The following SHISA9 variants were observed in gnomAD, a reference collection of about 807,000 sequenced individuals.
The protein encoded by SHISA9 is shisa family member 9, also known as protein shisa-9.
SHISA9 carries 13 observed loss-of-function variants against 38.0 expected under a neutral mutation model. The observed-to-expected ratio is 0.34, with a 90% CI of 0.22 to 0.54. The LOEUF is 0.54. Ranked by LOEUF, SHISA9 falls within the 20% of genes least tolerant of loss-of-function variation. The pLI is 0.91. For synonymous variants in SHISA9, 275 were observed against 242.0 expected, an observed-to-expected ratio of 1.14 and a Z score of -1.27; for missense variants, 538 against 575.8, an observed-to-expected ratio of 0.93 and a Z score of 0.67.
At chr16:13,241,239 G>C (rs1161770225), downstream of SHISA9, among the ~76,000 whole-genome samples, 1 of 152,186 alleles carries the variant, frequency 6.6e-6, no homozygotes, top group Non-Finnish European at 1.5e-5. Flanking sequence ...AGGCAGCCGG[G>C]CACGGTGGCT....
chr16:13,371,875 A>C, the SHISA9 span, among the ~76,000 whole-genome samples: 1 of 152,212 alleles, frequency 6.6e-6, no homozygotes, highest in Non-Finnish European at 1.5e-5. Context: ...ATCCCCTTTC[A>C]GATAATCAAG....
At chr16:13,521,384 T>C in the SHISA9 span, among the ~76,000 whole-genome samples, 24 of 152,246 alleles carry the variant, frequency 1.6e-4, no homozygotes, top group Non-Finnish European at 2.8e-4. Context: ...CCCTATACTT[T>C]ATACAGTACA....
the SHISA9 span, among the ~76,000 whole-genome samples, chr16:13,522,792 A>T: frequency 9.9e-5 from 15 of 152,184 alleles, no homozygotes; most frequent in African/African-American, 3.6e-4. Flanking sequence ...TAGGGCAGCT[A>T]GTTTACAGCC....
chr16:13,521,360 AT>A, the SHISA9 span, among the ~76,000 whole-genome samples: 6 of 152,080 alleles, frequency 3.9e-5, no homozygotes, highest in Non-Finnish European at 8.8e-5. Context: ...TAGTCATTCT[AT>A]TTTTTCCAAA....
chr16:13,371,229 T>C, the SHISA9 span, among the ~76,000 whole-genome samples: 34 of 152,332 alleles, frequency 2.2e-4, no homozygotes, highest in Middle Eastern at 3.4e-3. Context: ...ACCACCATGA[T>C]ACACTGCCTG....
At chr16:13,064,258 C>T (rs578107955) in intron 2 of SHISA9, among the ~76,000 whole-genome samples, 1 of 152,110 alleles carries the variant, frequency 6.6e-6, no homozygotes, top group Non-Finnish European at 1.5e-5. Context: ...TCAACAAATA[C>T]TTATTGAGCA....
At chr16:13,500,591 A>G in the SHISA9 span, among the ~76,000 whole-genome samples, 1 of 149,062 alleles carries the variant, frequency 6.7e-6, no homozygotes, top group Admixed American at 6.7e-5. Context: ...AGAAGGAAAA[A>G]GACAGAGTGG....
At chr16:13,474,929 T>C in the SHISA9 span, among the ~76,000 whole-genome samples, 2 of 151,854 alleles carry the variant, frequency 1.3e-5, no homozygotes, top group South Asian at 2.1e-4. Flanking sequence ...CTGTAGGTAC[T>C]GGTAGGGGGA....
the SHISA9 span, among the ~76,000 whole-genome samples, chr16:13,551,045 A>G: frequency 6.6e-6 from 1 of 151,736 alleles, no homozygotes; most frequent in African/African-American, 2.4e-5. Flanking sequence ...AATCGCTTGA[A>G]CCTGGGAGGC....
chr16:13,072,192 C>G (rs900895359), intron 2 of SHISA9, among the ~76,000 whole-genome samples: 1 of 152,238 alleles, frequency 6.6e-6, no homozygotes. Flanking sequence ...GTCAAAGCCA[C>G]TTGAGTGAGG....
chr16:13,324,666 A>G, the SHISA9 span, among the ~76,000 whole-genome samples: 1 of 152,198 alleles, frequency 6.6e-6, no homozygotes, highest in Non-Finnish European at 1.5e-5. Flanking sequence ...ATTGTAAACC[A>G]AAAAGTATCT....
At chr16:13,437,054 A>T in the SHISA9 span, among the ~76,000 whole-genome samples, 1 of 152,160 alleles carries the variant, frequency 6.6e-6, no homozygotes, top group African/African-American at 2.4e-5. Context: ...ACCCCACCCC[A>T]TGATTCAGTT....
At chr16:13,036,181 T>G (rs906373995) in intron 2 of SHISA9, among the ~76,000 whole-genome samples, 1 of 152,234 alleles carries the variant, frequency 6.6e-6, no homozygotes, top group African/African-American at 2.4e-5. Context: ...CACAAAGTCT[T>G]GTATACTAAT....
chr16:12,996,899 C>CT (rs907940354), intron 2 of SHISA9, among the ~76,000 whole-genome samples: 2 of 152,156 alleles, frequency 1.3e-5, no homozygotes, highest in African/African-American at 4.8e-5. Context: ...CACCCAAGTC[C>CT]TTTGGGGAAT....
chr16:13,034,158 A>C (rs943709688), intron 2 of SHISA9, among the ~76,000 whole-genome samples: 5 of 151,836 alleles, frequency 3.3e-5, no homozygotes, highest in African/African-American at 1.2e-4. Context: ...AAAAAAAAAA[A>C]AAAATACCTC....
the SHISA9 span, among the ~76,000 whole-genome samples, chr16:13,360,952 C>A: frequency 1.3e-5 from 2 of 152,170 alleles, no homozygotes; most frequent in African/African-American, 4.8e-5. Flanking sequence ...TTCATCCTTC[C>A]CCTTCTCACT....
intron 2 of SHISA9, among the ~76,000 whole-genome samples, chr16:13,181,071 A>C (rs1362834162): frequency 6.6e-6 from 1 of 151,980 alleles, no homozygotes; most frequent in Non-Finnish European, 1.5e-5. Flanking sequence ...TCCAGTGGGG[A>C]AGACAGGTAT....
intron 2 of SHISA9, among the ~76,000 whole-genome samples, chr16:12,997,468 G>A (rs1314708747): frequency 1.4e-5 from 2 of 148,040 alleles, no homozygotes; most frequent in East Asian, 4.0e-4. Flanking sequence ...GTGCAATGGT[G>A]CGATCTCAGG....
intron 2 of SHISA9, among the ~76,000 whole-genome samples, chr16:13,200,440 A>ACACACACACAGCAG (rs201359350): frequency 4.7e-5 from 7 of 150,148 alleles, no homozygotes; most frequent in African/African-American, 1.7e-4. Context: ...ACACACACAC[A>ACACACACACAGCAG]CAGCAGCAGC....
Sources: allele counts gnomAD v4.1 joint callset (sites outside exome capture counted in the v4.1 genomes callset), GRCh38; gene constraint gnomAD v4.1.1; transcripts MANE v1.5; gene names NCBI Gene and HGNC (gene_info 2026-07-23, HGNC 2026-07-21).